The following STAB1 variants were observed in gnomAD, a reference collection of about 807,000 sequenced individuals.
STAB1 encodes stabilin 1.
Under a neutral mutation model 332.4 loss-of-function variants are expected in STAB1, and 250 were observed. The ratio of observed to expected loss-of-function variants is 0.75; its 90% CI spans 0.68 to 0.84. STAB1 has a LOEUF of 0.84. Among genes scored for constraint, STAB1 ranks in the 40% least tolerant of loss-of-function variants. STAB1 has a pLI of 0.00. For missense variants in STAB1, 3,249 were observed against 3,489.7 expected (o/e 0.93, Z 1.74); for synonymous variants, 1,475 against 1,390.4 (o/e 1.06, Z -1.35).
At position 52,516,574 on chromosome 3, in the gene STAB1, G is replaced by A. The variant is rs201873495; in HGVS notation, c.4273G>A (p.Asp1425Asn). The A allele has an allele frequency of 1.4e-4, 219 of 1,612,952 alleles. 1 individual carries two copies. Among genetic ancestry groups the A allele is most frequent in the South Asian group, 1.2e-3 (113 of 91,076 alleles). ...ITSPQCPRKC[D>N]PNANCVQDSA... ...CAGCCCTCAGTGCCCTAGGAAGTGCGACCCCAATGCCAAGTGAGTGGGCCC... is the reference window on the plus strand; with the variant it reads ...CAGCCCTCAGTGCCCTAGGAAGTGCAACCCCAATGCCAAGTGAGTGGGCCC... Residue 1425 changes from aspartate to asparagine, a missense_variant, in exon 40 of 69, where the codon GAC (aspartate) becomes AAC (asparagine). Physicochemically the swap from Asp to Asn is conservative, Grantham distance 23. Transcript: ENST00000321725.
intron 60 of STAB1, 28 bp downstream of exon 60, chr3:52,522,502 CCATTT>C: frequency 6.2e-7 from 1 of 1,613,068 alleles, no homozygotes; most frequent in Non-Finnish European, 8.5e-7. Context: ...CTCCCAGTAC[CCATTT>C]CATTCCTCAG....
Position 52,511,821 on chromosome 3 carries a change from C to T in STAB1, c.2883+76C>T, listed in dbSNP as rs142300867. The stretch of plus-strand genomic sequence containing the variant: ...TGGGCTGCAGCTCTCTCCCTCCCTC[C>T]CCATCTCTGGGTGTCTCTCTGTACC... On this transcript the variant is annotated intron_variant, in intron 26 of 68. Coordinates refer to ENST00000321725, the MANE Select transcript of STAB1 (RefSeq NM_015136.3). The T allele has an allele frequency of 8.5e-3, 10,293 of 1,204,088 alleles. 72 individuals carry two copies. The highest frequency in any genetic ancestry group is 0.028 in the Middle Eastern group (127 of 4,460). The allele number at this position is 1,204,088 out of a possible 1,614,324, so 74.6% of individuals were successfully genotyped here.
chr3:52,521,523 T>A lies in STAB1; in HGVS notation c.6058+13T>A. The A allele has an allele frequency of 6.2e-7, 1 of 1,613,928 alleles. No individual in the cohort carries two copies. On this transcript the variant is annotated intron_variant, in intron 56 of 68. Coordinates refer to ENST00000321725, the MANE Select transcript of STAB1 (RefSeq NM_015136.3). ...CCCCATTGTCAAGGTGGGCCATCCC[T>A]GCCTGCCCCACGGCCCGATTCCTTT...
chr3:52,509,824 C>G (rs1195072554), intron 22 of STAB1, 46 bp from the exon 23 acceptor site: 1 of 1,609,786 alleles, frequency 6.2e-7, no homozygotes, highest in Non-Finnish European at 8.5e-7. Context: ...CCAGCCAGCC[C>G]TGCCTCCTGC....
intron 55 of STAB1, 52 bp from the exon 56 acceptor site, chr3:52,521,309 G>A: frequency 6.2e-7 from 1 of 1,610,168 alleles, no homozygotes; most frequent in South Asian, 1.1e-5. Context: ...CGTATATGGG[G>A]GTCCTGGTGA....
intron 1 of STAB1, among the ~76,000 whole-genome samples, chr3:52,497,671 C>T (rs1708140858): frequency 6.6e-6 from 1 of 152,002 alleles, no homozygotes; most frequent in South Asian, 2.1e-4. Context: ...CTTCGGCCTC[C>T]CAAAGTGCTG....
At position 52,505,727 on chromosome 3, in the gene STAB1, C is replaced by T. The variant is rs139998974; in HGVS notation, c.1641C>T (p.Ser547=). ...GPGPFTVFAP[S]NEAVDSLRDG... ...GGCCCTTCACAGTCTTTGCCCCAAG[C>T]AATGAGGCTGTGGACAGCTTGCGTG... The change falls in exon 15 of 69, where the codon AGC becomes AGT. Residue 547 remains serine (S), a synonymous_variant. Coordinates refer to ENST00000321725, the MANE Select transcript of STAB1 (RefSeq NM_015136.3). The T allele has an allele frequency of 4.2e-5, 68 of 1,613,800 alleles. No individual in the cohort carries two copies. The highest frequency in any genetic ancestry group is 5.6e-5 in the Non-Finnish European group (66 of 1,180,052).
In STAB1 at chr3:52,517,387, CCAG is replaced by C. The variant is rs1559709440; in HGVS notation, c.4561_4563del (p.Gln1521del). On this transcript the variant is annotated inframe_deletion, in exon 43 of 69. Transcript: ENST00000321725. ...ACGCCGAGTGCATCCCCACTGGCCC[CCAG>C]CAGGTCAGCATGGCAGGGTTGGACA... 5 of 1,603,366 alleles carry C rather than the reference CCAG, an allele frequency of 3.1e-6. No homozygotes were observed. The highest frequency in any genetic ancestry group is 4.3e-6 in the Non-Finnish European group (5 of 1,175,352).
chr3:52,502,248 G>A lies in STAB1; in HGVS notation c.487+20G>A. The A allele has an allele frequency of 6.2e-7, 1 of 1,607,270 alleles. No individual in the cohort carries two copies. The highest frequency in any genetic ancestry group is 8.5e-7 in the Non-Finnish European group (1 of 1,179,710). ...AATCGGGTGAGTGCTTAAAAGGCAA[G>A]AGGGCACGGCCAGCGTCCACCTGGG... is the stretch of plus-strand genomic sequence containing the variant. On this transcript the variant is annotated intron_variant, in intron 5 of 68. Coordinates refer to ENST00000321725, the MANE Select transcript of STAB1 (RefSeq NM_015136.3).
At chr3:52,499,396 G>C (rs986589361) in intron 1 of STAB1, among the ~76,000 whole-genome samples, 10 of 152,230 alleles carry the variant, frequency 6.6e-5, no homozygotes, top group African/African-American at 2.2e-4. Context: ...GTGGTGGCAG[G>C]CTGGACTCCT....
chr3:52,507,789 G>A, intron 19 of STAB1, 114 bp downstream of exon 19: 4 of 1,486,408 alleles, frequency 2.7e-6, no homozygotes, highest in Non-Finnish European at 3.7e-6. Context: ...ATCACACCTG[G>A]AGGCTAAGTG....
intron 2 of STAB1, 27 bp downstream of exon 2, chr3:52,501,329 T>A: frequency 6.2e-7 from 1 of 1,603,404 alleles, no homozygotes; most frequent in Non-Finnish European, 8.5e-7. Flanking sequence ...TCCTTGCCTG[T>A]GTCCAGGAGC....
chr3:52,511,806 C>T lies in STAB1; in HGVS notation c.2883+61C>T. 4 of 1,321,858 alleles carry T rather than the reference C, an allele frequency of 3.0e-6. No homozygotes were observed. In the South Asian group the frequency reaches 5.6e-5, roughly 19 times the overall value. 81.9% of individuals were successfully genotyped at this position (1,321,858 alleles called of 1,614,324 possible). On this transcript the variant is annotated intron_variant, in intron 26 of 68. Coordinates refer to ENST00000321725, the MANE Select transcript of STAB1 (RefSeq NM_015136.3). ...TTTCTGGGGTGAGCCTGGGCTGCAG[C>T]TCTCTCCCTCCCTCCCCATCTCTGG...
intron 1 of STAB1, among the ~76,000 whole-genome samples, chr3:52,499,130 T>C (rs899202196): frequency 6.6e-6 from 1 of 152,228 alleles, no homozygotes; most frequent in African/African-American, 2.4e-5. Context: ...GGTCAGCATT[T>C]TTCAAGATGA....
chr3:52,516,245 A>G lies in STAB1; in HGVS notation c.4144+7A>G, dbSNP rs1308156237. The G allele has an allele frequency of 1.9e-6, 2 of 1,057,456 alleles. No individual in the cohort carries two copies. Among genetic ancestry groups the G allele is most frequent in the South Asian group, 1.3e-5 (1 of 79,576 alleles). The allele number at this position is 1,057,456 out of a possible 1,614,324, so 65.5% of individuals were successfully genotyped here. A position where few individuals can be genotyped will look rare whatever the true frequency, so the allele number is the denominator to read the frequency against. ...GGGCCCAACTGCACCGGAGGTGAGG[A>G]CTGGGGAGGGGCGGGGGTGGGCCTC... On this transcript the variant is annotated splice_region_variant and intron_variant, in intron 38 of 68. Coordinates refer to ENST00000321725, the MANE Select transcript of STAB1 (RefSeq NM_015136.3).
At position 52,522,469 on chromosome 3, in the gene STAB1, T is replaced by A; in HGVS notation, c.6605T>A (p.Phe2202Tyr). 1 of 1,613,142 alleles carries A rather than the reference T, an allele frequency of 6.2e-7. No individual in the cohort carries two copies. Among genetic ancestry groups the A allele is most frequent in the East Asian group, 2.2e-5 (1 of 44,880 alleles). The change falls in exon 60 of 69, where the codon TTC (phenylalanine) becomes TAC (tyrosine). Residue 2202 changes from phenylalanine (F) to tyrosine (Y), a missense_variant. Phe to Tyr is a conservative substitution (Grantham distance 22). Coordinates refer to ENST00000321725, the MANE Select transcript of STAB1 (RefSeq NM_015136.3). ...GATGCCATGTGCACTGACCTGCACT[T>A]CCAGGGTGTGTCCCCCTGCCCACTC... ...HSDAMCTDLH[F>Y]QEKRAGVFHL...
intron 3 of STAB1, 28 bp from the exon 4 acceptor site, chr3:52,501,978 C>T (rs771693148): frequency 6.2e-7 from 1 of 1,610,476 alleles, no homozygotes; most frequent in Non-Finnish European, 8.5e-7. Context: ...GTTCTGGGCA[C>T]AGAGCTGAGT....
Position 52,516,098 on chromosome 3 carries a change from G to A in STAB1, c.4004G>A (p.Gly1335Asp). Residue 1335 changes from glycine to aspartate, a missense_variant, in exon 38 of 69, where the codon GGT becomes GAT. Physicochemically the swap from Gly to Asp is moderately conservative, Grantham distance 94. Coordinates refer to ENST00000321725, the MANE Select transcript of STAB1 (RefSeq NM_015136.3). ...ACGCTGTGTGAGCCATGCCCAGGGGGTCTAGGGGGGGTGTGCTCAGGCCAT... is the reference window on the plus strand; with the variant it reads ...ACGCTGTGTGAGCCATGCCCAGGGGATCTAGGGGGGGTGTGCTCAGGCCAT... Reference protein sequence around the residue: ...FGTLCEPCPGGLGGVCSGHGQ... With the variant: ...FGTLCEPCPGDLGGVCSGHGQ... 3 of 1,612,068 alleles carry A rather than the reference G, an allele frequency of 1.9e-6. No homozygotes were observed. Among genetic ancestry groups the A allele is most frequent in the South Asian group, 1.1e-5 (1 of 91,042 alleles).
rs755851044 is a variant in STAB1 at position 52,514,214 on chromosome 3, G to A, written c.3546+1G>A. 7 of 1,613,072 alleles carry A rather than the reference G, an allele frequency of 4.3e-6. No individual in the cohort carries two copies. Among genetic ancestry groups the A allele is most frequent in the Non-Finnish European group, 5.1e-6 (6 of 1,179,974 alleles). On this transcript the variant is annotated splice_donor_variant, in intron 33 of 68. Coordinates refer to ENST00000321725, the MANE Select transcript of STAB1 (RefSeq NM_015136.3). LOFTEE classifies it high-confidence loss of function. ...GGCCCAGGGCAACAGCAGTCACCTG[G>A]TGAGGCCGTGGGGATGGGGCAATGG...
Sources: allele counts gnomAD v4.1 joint callset (sites outside exome capture counted in the v4.1 genomes callset), GRCh38; gene constraint gnomAD v4.1.1; transcripts MANE v1.5; gene names NCBI Gene and HGNC (gene_info 2026-07-23, HGNC 2026-07-21).